DCC: variants seen among roughly 807,000 people sequenced by gnomAD.
DCC encodes netrin receptor DCC.
DCC carries 58 observed loss-of-function variants against 172.5 expected under a neutral mutation model. The ratio of observed to expected loss-of-function variants is 0.34; its 90% confidence interval spans 0.27 to 0.42. The LOEUF (loss-of-function observed/expected upper bound fraction) is 0.42. Among genes scored for constraint, DCC ranks in the 10% least tolerant of loss-of-function variants. The pLI, the probability that DCC is intolerant of heterozygous loss-of-function variation, is 1.00. For missense variants in DCC, 1,740 were observed against 1,791.0 expected, an observed-to-expected ratio of 0.97 and a Z score of 0.51; for synonymous variants, 709 against 644.5, an observed-to-expected ratio of 1.10 and a Z score of -1.52.
intron 5 of DCC, among the ~76,000 whole-genome samples, chr18:53,001,709 G>A (rs1405583031): frequency 6.6e-6 from 1 of 151,940 alleles, no homozygotes; most frequent in Non-Finnish European, 1.5e-5. Context: ...TCCCTTAGAA[G>A]CAATAATGAA....
intron 5 of DCC, among the ~76,000 whole-genome samples, chr18:52,939,649 T>C (rs1011454448): frequency 4.6e-5 from 7 of 152,190 alleles, no homozygotes; most frequent in Non-Finnish European, 8.8e-5. Context: ...AGTCTCAATA[T>C]ATTATGGAGA....
intron 1 of DCC, among the ~76,000 whole-genome samples, chr18:52,738,025 T>C (rs1230174628): frequency 6.6e-6 from 1 of 152,164 alleles, no homozygotes; most frequent in Non-Finnish European, 1.5e-5. Flanking sequence ...TTATCATTTT[T>C]ACATTGTTAT....
At chr18:53,070,075 G>A (rs2042632479) in intron 7 of DCC, among the ~76,000 whole-genome samples, 1 of 151,886 alleles carries the variant, frequency 6.6e-6, no homozygotes, top group Non-Finnish European at 1.5e-5. Flanking sequence ...CGCCTCCCAG[G>A]TTCAAGTGAT....
intron 15 of DCC, among the ~76,000 whole-genome samples, chr18:53,374,803 T>C (rs1002161488): frequency 6.6e-6 from 1 of 152,176 alleles, no homozygotes; most frequent in African/African-American, 2.4e-5. Context: ...ACTGTGATGT[T>C]AGGAGAAAAT....
chr18:53,307,904 T>C (rs1341813269), intron 13 of DCC, among the ~76,000 whole-genome samples: 2 of 4,112 alleles, frequency 4.9e-4, no homozygotes, highest in African/African-American at 8.6e-4. Context: ...TATGTATATA[T>C]ATATATATAT....
At chr18:52,714,772 CCTCT>C (rs146790071) in intron 1 of DCC, among the ~76,000 whole-genome samples, 3 of 151,580 alleles carry the variant, frequency 2.0e-5, no homozygotes, top group South Asian at 2.1e-4. Context: ...ATAATTCTAT[CCTCT>C]CTCTCTCTCT....
At chr18:53,353,665 T>G (rs2057839528) in intron 15 of DCC, among the ~76,000 whole-genome samples, 1 of 152,206 alleles carries the variant, frequency 6.6e-6, no homozygotes, top group Admixed American at 6.6e-5. Flanking sequence ...TCACTGGTCA[T>G]AGAATTCTAG....
intron 23 of DCC, among the ~76,000 whole-genome samples, chr18:53,456,254 A>G (rs2045481278): frequency 6.6e-6 from 1 of 152,206 alleles, no homozygotes; most frequent in East Asian, 1.9e-4. Flanking sequence ...GGCAGAAATT[A>G]AATAAGTAAA....
At chr18:52,765,340 C>G (rs935047223) in intron 2 of DCC, among the ~76,000 whole-genome samples, 5 of 152,002 alleles carry the variant, frequency 3.3e-5, no homozygotes, top group African/African-American at 4.8e-5. Context: ...CCACTGCACC[C>G]AGACTCTAGC....
rs57501246 is a variant in DCC at position 53,145,105 on chromosome 18, C to CTTTTT, written c.1262-12228_1262-12224dup. Reference sequence around the variant, plus strand: ...AGGTGATTAAGCTGTGAGGGCTCTGCTTTTTTTTTTTTTTTTTTTTTTTTT... The same window carrying CTTTTT: ...AGGTGATTAAGCTGTGAGGGCTCTGCTTTTTTTTTTTTTTTTTTTTTTTTTTTTTT... On this transcript the variant is annotated intron_variant, in intron 7 of 28. Coordinates refer to ENST00000442544, the MANE Select transcript of DCC (RefSeq NM_005215.4). Among the ~76,000 whole-genome samples the CTTTTT allele has an allele frequency of 3.0e-3, 111 of 36,922 alleles. 38 individuals are homozygous for CTTTTT. Among genetic ancestry groups the CTTTTT allele is most frequent in the East Asian group, 0.012 (10 of 868 alleles). The allele number at this position is 36,922 out of a possible 152,430, so 24.2% of individuals were successfully genotyped here.
intron 1 of DCC, among the ~76,000 whole-genome samples, chr18:52,525,008 G>C (rs1020414425): frequency 1.3e-4 from 19 of 151,946 alleles, no homozygotes; most frequent in Admixed American, 2.6e-4. Context: ...CTGAGATTTT[G>C]CTTCTTATCT....
intron 16 of DCC, among the ~76,000 whole-genome samples, chr18:53,388,725 C>T (rs2145001805): frequency 6.6e-6 from 1 of 152,340 alleles, no homozygotes; most frequent in East Asian, 1.9e-4. Context: ...GATTTATTCT[C>T]AACTGCTTTA....
At chr18:52,830,454 T>C (rs959694644) in intron 2 of DCC, among the ~76,000 whole-genome samples, 6 of 152,186 alleles carry the variant, frequency 3.9e-5, no homozygotes, top group Admixed American at 2.0e-4. Context: ...ATGGATGTCT[T>C]ACTATTTAAT....
At chr18:52,875,678 C>T (rs568058802) in intron 2 of DCC, among the ~76,000 whole-genome samples, 1 of 152,282 alleles carries the variant, frequency 6.6e-6, no homozygotes, top group East Asian at 1.9e-4. Flanking sequence ...GATGCTCAGC[C>T]CTCATAAACC....
intron 5 of DCC, among the ~76,000 whole-genome samples, chr18:53,054,108 C>T (rs1205915635): frequency 6.6e-6 from 1 of 152,040 alleles, no homozygotes; most frequent in Admixed American, 6.6e-5. Flanking sequence ...TACGTCAATC[C>T]TCCCATATAT....
intron 17 of DCC, among the ~76,000 whole-genome samples, chr18:53,395,576 G>A (rs543917100): frequency 2.6e-5 from 4 of 152,064 alleles, no homozygotes; most frequent in Non-Finnish European, 5.9e-5. Flanking sequence ...TTATTTGATG[G>A]AATTTCATCT....
At chr18:52,954,280 T>C (rs113679069) in intron 5 of DCC, among the ~76,000 whole-genome samples, 1,811 of 152,300 alleles carry the variant, frequency 0.012, 27 homozygotes, top group African/African-American at 0.04. Context: ...CAATTTTCAG[T>C]ATACTAGAAA....
At chr18:52,460,984 A>G (rs1246979714) in intron 1 of DCC, among the ~76,000 whole-genome samples, 2 of 152,216 alleles carry the variant, frequency 1.3e-5, no homozygotes, top group African/African-American at 4.8e-5. Context: ...TTTAGTAATG[A>G]ATAAATCTTA....
At chr18:53,255,898 C>A (rs974601966) in intron 12 of DCC, among the ~76,000 whole-genome samples, 19 of 152,008 alleles carry the variant, frequency 1.2e-4, no homozygotes, top group African/African-American at 4.3e-4. Flanking sequence ...TTTTAATGAT[C>A]ACCATTCTAA....
Sources: gnomAD v4.1 joint callset for allele counts (sites outside exome capture counted in the v4.1 genomes callset) on GRCh38, gnomAD v4.1.1 for gene constraint, MANE v1.5 for transcripts, NCBI Gene and HGNC (gene_info 2026-07-23, HGNC 2026-07-21) for gene names.